PCSK2: variants seen among roughly 807,000 people sequenced by gnomAD.
PCSK2 encodes proprotein convertase subtilisin/kexin type 2.
Under a neutral mutation model 69.7 loss-of-function variants are expected in PCSK2, and 14 were observed. That is an observed-to-expected ratio of 0.20 (90% confidence interval 0.13 to 0.31). PCSK2 has a LOEUF of 0.31. Among genes scored for constraint, PCSK2 ranks in the 10% least tolerant of loss-of-function variants. The probability of loss-of-function intolerance (pLI) is 1.00; values close to 1 mark genes in which losing one functional copy is unlikely to be tolerated. For missense variants in PCSK2, 544 were observed against 842.5 expected (o/e 0.65, Z 4.39); for synonymous variants, 307 against 320.7 (o/e 0.96, Z 0.46).
intron 1 of PCSK2, among the ~76,000 whole-genome samples, chr20:17,239,795 A>G (rs894856858): frequency 1.3e-5 from 2 of 148,490 alleles, no homozygotes; most frequent in African/African-American, 5.0e-5. Context: ...CTGGCCTAAG[A>G]TGATTCCAAT....
intron 5 of PCSK2, among the ~76,000 whole-genome samples, chr20:17,379,757 GA>G (rs1474740453): frequency 1.3e-5 from 2 of 152,206 alleles, no homozygotes; most frequent in African/African-American, 4.8e-5. Flanking sequence ...CAGAGTTAGA[GA>G]TTTTTTTCAG....
intron 2 of PCSK2, among the ~76,000 whole-genome samples, chr20:17,353,498 G>T (rs1268940828): frequency 6.8e-6 from 1 of 147,640 alleles, no homozygotes; most frequent in Admixed American, 6.8e-5. Context: ...AATAGTAAAT[G>T]TTGGCGAGGC....
chr20:17,236,078 G>A (rs1986326818), intron 1 of PCSK2, among the ~76,000 whole-genome samples: 1 of 151,994 alleles, frequency 6.6e-6, no homozygotes, highest in Admixed American at 6.6e-5. Context: ...ACCATTACCA[G>A]CTTTAGATAA....
chr20:17,476,440 G>C (rs2033291171), intron 11 of PCSK2, among the ~76,000 whole-genome samples: 1 of 152,146 alleles, frequency 6.6e-6, no homozygotes. Context: ...TTGCTCATTA[G>C]CCACATGTAG....
intron 6 of PCSK2, among the ~76,000 whole-genome samples, chr20:17,415,361 C>A (rs1178906941): frequency 1.3e-5 from 2 of 152,114 alleles, no homozygotes; most frequent in African/African-American, 4.8e-5. Flanking sequence ...AATCAATGTG[C>A]AAAAATCACA....
chr20:17,378,885 G>T (rs1307159897), intron 5 of PCSK2, among the ~76,000 whole-genome samples: 1 of 152,146 alleles, frequency 6.6e-6, no homozygotes, highest in Non-Finnish European at 1.5e-5. Flanking sequence ...AACTGCCTTT[G>T]TTCCTTTCTT....
At chr20:17,226,640 C>G (rs1985913615), upstream of PCSK2, among the ~76,000 whole-genome samples, 1 of 151,928 alleles carries the variant, frequency 6.6e-6, no homozygotes. Flanking sequence ...GCGGCACACA[C>G]CGTAATTCCC....
intron 2 of PCSK2, among the ~76,000 whole-genome samples, chr20:17,269,337 G>C (rs1482978539): frequency 6.6e-6 from 1 of 152,126 alleles, no homozygotes; most frequent in Non-Finnish European, 1.5e-5. Context: ...AGAAGTCAAA[G>C]AGATAACTGG....
At chr20:17,280,078 A>C (rs1988249581) in intron 2 of PCSK2, among the ~76,000 whole-genome samples, 1 of 152,050 alleles carries the variant, frequency 6.6e-6, no homozygotes, top group South Asian at 2.1e-4. Flanking sequence ...TAGCTTTCAG[A>C]CATTTTATTA....
intron 2 of PCSK2, among the ~76,000 whole-genome samples, chr20:17,273,398 C>G (rs1315115038): frequency 6.6e-6 from 1 of 151,984 alleles, no homozygotes; most frequent in Admixed American, 6.6e-5. Context: ...ATTTTTAATC[C>G]CTATCATGGA....
chr20:17,411,069 G>A (rs1195785694), intron 6 of PCSK2, among the ~76,000 whole-genome samples: 1 of 152,002 alleles, frequency 6.6e-6, no homozygotes, highest in Non-Finnish European at 1.5e-5. Context: ...AATCTTCCTG[G>A]GCAATGTGCT....
rs950846256 is a variant in PCSK2 at position 17,282,750 on chromosome 20, G to GA, written c.282+22418dup. ...TCCTTTGAAAGGGCACACACGCTGT[G>GA]AAAAAAAAAAAAGAAAGGGTTATGC... On this transcript the variant is annotated intron_variant, in intron 2 of 11. Coordinates refer to ENST00000262545, the MANE Select transcript of PCSK2 (RefSeq NM_002594.5). Among the ~76,000 whole-genome samples, 874 of 138,936 alleles carry GA rather than the reference G, an allele frequency of 6.3e-3. 5 individuals carry two copies. Among genetic ancestry groups the GA allele is most frequent in the East Asian group, 0.031 (149 of 4,846 alleles). The allele number at this position is 138,936 out of a possible 152,430, so 91.1% of individuals were successfully genotyped here.
chr20:17,425,382 G>C lies in PCSK2; in HGVS notation c.621-4053G>C, dbSNP rs61609753. ...TGCACACACCTAGTGAGAGGGTAGG[G>C]GAATTCGACCACTAGACAAGGCAGC... On this transcript the variant is annotated intron_variant, in intron 6 of 11. Transcript: ENST00000262545. Among the ~76,000 whole-genome samples the C allele has an allele frequency of 6.2e-3, 946 of 152,146 alleles. 12 individuals carry two copies. The highest frequency in any genetic ancestry group is 0.022 in the African/African-American group (919 of 41,506).
At chr20:17,447,161 C>G (rs2032715014) in intron 8 of PCSK2, among the ~76,000 whole-genome samples, 1 of 151,536 alleles carries the variant, frequency 6.6e-6, no homozygotes, top group Admixed American at 6.6e-5. Flanking sequence ...ATCCCAGCTA[C>G]TTGGGAGGCT....
intron 1 of PCSK2, among the ~76,000 whole-genome samples, chr20:17,229,903 C>T (rs1179304677): frequency 6.6e-6 from 1 of 152,176 alleles, no homozygotes; most frequent in African/African-American, 2.4e-5. Flanking sequence ...TAATAAATGC[C>T]ATCACTTTTC....
intron 2 of PCSK2, among the ~76,000 whole-genome samples, chr20:17,325,750 G>A (rs571170637): frequency 6.6e-6 from 1 of 152,336 alleles, no homozygotes; most frequent in East Asian, 1.9e-4. Flanking sequence ...GCTATCCCAG[G>A]CATGTTCTTC....
rs374120201 is a variant in PCSK2 at position 17,332,627 on chromosome 20, C to T, written c.283-25700C>T. Among the ~76,000 whole-genome samples, 305 of 152,266 alleles carry T rather than the reference C, an allele frequency of 2.0e-3. 4 individuals are homozygous for T. Among genetic ancestry groups the T allele is most frequent in the Middle Eastern group, 0.014 (4 of 294 alleles). Reference sequence around the variant, plus strand: ...TTTCTAAGACCCTGCTCCAGACTTACGGAATCACAAACTCTGAGAGTGGGG... The same window carrying T: ...TTTCTAAGACCCTGCTCCAGACTTATGGAATCACAAACTCTGAGAGTGGGG... On this transcript the variant is annotated intron_variant, in intron 2 of 11. Transcript: ENST00000262545.
At chr20:17,301,227 A>C (rs1989072004) in intron 2 of PCSK2, among the ~76,000 whole-genome samples, 1 of 152,190 alleles carries the variant, frequency 6.6e-6, no homozygotes, top group Admixed American at 6.5e-5. Context: ...CACTGGCTGG[A>C]TGTGGATGCC....
chr20:17,466,100 C>T (rs1379263425), intron 11 of PCSK2, among the ~76,000 whole-genome samples: 1 of 152,096 alleles, frequency 6.6e-6, no homozygotes, highest in Non-Finnish European at 1.5e-5. Flanking sequence ...TGATGTATGC[C>T]ATTATTTCTA....
Sources: allele counts gnomAD v4.1 joint callset (sites outside exome capture counted in the v4.1 genomes callset), GRCh38; gene constraint gnomAD v4.1.1; transcripts MANE v1.5; gene names NCBI Gene and HGNC (gene_info 2026-07-23, HGNC 2026-07-21).